Variants in TRIM27 observed in about 807,000 individuals in gnomAD.
TRIM27 encodes the protein tripartite motif containing 27.
In TRIM27, 12 loss-of-function variants were observed where a neutral mutation model predicts 57.6. The observed-to-expected ratio is 0.21, with a 90% confidence interval of 0.13 to 0.34. The LOEUF is 0.34. TRIM27 is among the 10% of genes least tolerant of loss of function. The pLI, the probability that TRIM27 is intolerant of heterozygous loss-of-function variation, is 1.00. For synonymous variants in TRIM27, 266 were observed against 259.0 expected (o/e 1.03, Z -0.26); for missense variants, 403 against 656.8 (o/e 0.61, Z 4.22).
intron 6 of TRIM27, 112 bp from the exon 7 acceptor site, chr6:28,907,374 A>G: frequency 9.7e-7 from 1 of 1,030,094 alleles, no homozygotes; most frequent in Non-Finnish European, 1.5e-6. Flanking sequence ...CAGAAACCCC[A>G]GAACCTCTGT....
chr6:28,919,311 G>A lies in TRIM27; in HGVS notation c.747+701C>T, dbSNP rs188179503. ...AGGTGTGAGCCACTGCACCTGGCCC[G>A]CCATCATCCATTTTTAATGGCTTTT... On this transcript the variant is annotated intron_variant, in intron 3 of 7. Transcript: ENST00000377199. Among the ~76,000 whole-genome samples the A allele has an allele frequency of 2.4e-4, 37 of 152,278 alleles. No homozygotes were observed. In the East Asian group the frequency reaches 6.4e-3, roughly 26 times the overall value.
chr6:28,907,277 G>T lies in TRIM27; in HGVS notation c.920-15C>A. ...CTCTCTTAATTCTGAAAGAATAAAAGAGCAAAGTTATGGAAGTCATGAGGG... is the reference window on the plus strand; with the variant it reads ...CTCTCTTAATTCTGAAAGAATAAAATAGCAAAGTTATGGAAGTCATGAGGG... On this transcript the variant is annotated splice_polypyrimidine_tract_variant and intron_variant, in intron 6 of 7. Transcript: ENST00000377199. The T allele has an allele frequency of 6.2e-7, 1 of 1,610,552 alleles. No homozygotes were observed. Among genetic ancestry groups the T allele is most frequent in the Non-Finnish European group, 8.5e-7 (1 of 1,179,240 alleles).
chr6:28,905,721 A>G (rs1218455500), intron 7 of TRIM27: 5 of 152,104 alleles, frequency 3.3e-5, no homozygotes, highest in East Asian at 1.9e-4. Flanking sequence ...TATCCATTCT[A>G]TAAGATCTTT....
chr6:28,909,224 C>T, intron 4 of TRIM27, 136 bp from the exon 5 acceptor site: 2 of 635,892 alleles, frequency 3.1e-6, no homozygotes, highest in Admixed American at 5.6e-5. Context: ...TCTCCTGCCT[C>T]AGCCTCCTGA....
In TRIM27 at chr6:28,923,823, G is replaced by A. The variant is rs1212198607; in HGVS notation, c.-191C>T. The A allele has an allele frequency of 6.5e-6, 4 of 612,712 alleles. No homozygotes were observed. Among genetic ancestry groups the A allele is most frequent in the East Asian group, 6.1e-5 (2 of 32,692 alleles). The allele number at this position is 612,712 out of a possible 1,614,324, so 38.0% of individuals were successfully genotyped here. A position where few individuals can be genotyped will look rare whatever the true frequency, so the allele number is the denominator to read the frequency against. ...TTGGAGTGGCCGGGCCGATGCCTGC[G>A]CCTGTGCCCCCTAAGCGAGAGCGGG... On this transcript the variant is annotated 5_prime_UTR_variant, in exon 1 of 8. Coordinates refer to ENST00000377199, the MANE Select transcript of TRIM27 (RefSeq NM_006510.5).
chr6:28,923,490 T>G lies in TRIM27; in HGVS notation c.143A>C (p.Glu48Ala). ...GCACTGCGGGCACGACACGTTAGTC[T>G]CTGCCGTGCCCCAGCAGCGGGCGAG... ...ACLARCWGTAETNVSCPQCRE... is the reference protein window; with the variant it reads ...ACLARCWGTAATNVSCPQCRE... Residue 48 changes from glutamate (E) to alanine (A), a missense_variant, in exon 1 of 8, where the codon GAG becomes GCG. Coordinates refer to ENST00000377199, the MANE Select transcript of TRIM27 (RefSeq NM_006510.5). The G allele has an allele frequency of 6.2e-7, 1 of 1,612,202 alleles. No homozygotes were observed. The highest frequency in any genetic ancestry group is 8.5e-7 in the Non-Finnish European group (1 of 1,179,670).
At chr6:28,923,180 C>T (rs1271938281) in intron 1 of TRIM27, 33 bp downstream of exon 1, 2 of 1,511,598 alleles carry the variant, frequency 1.3e-6, no homozygotes, top group African/African-American at 2.8e-5. Flanking sequence ...TTGTCCGACT[C>T]GCGCTCCCGC....
Position 28,905,000 on chromosome 6 carries a change from A to C in TRIM27, c.947-335T>G. 1.1e-5 allele frequency: 3 copies of C among 273,458 alleles called. No individual in the cohort carries two copies. The highest frequency in any genetic ancestry group is 1.0e-4 in the South Asian group (1 of 9,930). The allele number at this position is 273,458 out of a possible 1,614,324, so 16.9% of individuals were successfully genotyped here. A position where few individuals can be genotyped will look rare whatever the true frequency, so the allele number is the denominator to read the frequency against. On this transcript the variant is annotated intron_variant, in intron 7 of 7. Coordinates refer to ENST00000377199, the MANE Select transcript of TRIM27 (RefSeq NM_006510.5). The surrounding 1 kb of genome is among the most constrained non-coding windows in gnomAD (Gnocchi z 6.1). Reference sequence around the variant, plus strand: ...TGGTCATAGTTCATTGTAACCCCAAACTCCTGGGCTCAGGTGATTCTCCCG... The same window carrying C: ...TGGTCATAGTTCATTGTAACCCCAACCTCCTGGGCTCAGGTGATTCTCCCG...
At chr6:28,913,269 A>AAAATATATATATATATATATAT (rs1554184215) in intron 3 of TRIM27, among the ~76,000 whole-genome samples, 1 of 135,584 alleles carries the variant, frequency 7.4e-6, no homozygotes, top group Non-Finnish European at 1.5e-5. Flanking sequence ...AAAAAAAAAA[A>AAAATATATATATATATATATAT]ATATATATAT....
chr6:28,917,744 C>T (rs377501752), intron 3 of TRIM27, among the ~76,000 whole-genome samples: 1 of 152,120 alleles, frequency 6.6e-6, no homozygotes, highest in African/African-American at 2.4e-5. Flanking sequence ...ACACTAATTC[C>T]TGGCATATGT....
At chr6:28,911,588 T>C (rs1471936735) in intron 4 of TRIM27, 108 bp downstream of exon 4, 4 of 1,116,880 alleles carry the variant, frequency 3.6e-6, no homozygotes, top group Middle Eastern at 2.0e-4. Flanking sequence ...ATGTGTCAAT[T>C]TGATAAGATG....
At chr6:28,911,995 G>C (rs1773241660) in intron 3 of TRIM27, among the ~76,000 whole-genome samples, 1 of 152,054 alleles carries the variant, frequency 6.6e-6, no homozygotes, top group African/African-American at 2.4e-5. Context: ...ACTAACTTAA[G>C]CGTCCTATGA....
chr6:28,912,981 C>T (rs1480784348), intron 3 of TRIM27, among the ~76,000 whole-genome samples: 3 of 152,038 alleles, frequency 2.0e-5, no homozygotes, highest in Admixed American at 6.6e-5. Flanking sequence ...ATAGGCCAGG[C>T]GCAGTGGCTC....
At chr6:28,918,345 C>T (rs905855663) in intron 3 of TRIM27, among the ~76,000 whole-genome samples, 4 of 151,818 alleles carry the variant, frequency 2.6e-5, no homozygotes, top group African/African-American at 9.7e-5. Context: ...TCTCCATTCA[C>T]CTGACCTAGT....
In TRIM27 at chr6:28,920,253, G is replaced by A. The variant is rs1470947844; in HGVS notation, c.517-11C>T. 2.5e-6 allele frequency: 4 copies of A among 1,575,176 alleles called. No homozygotes were observed. Among genetic ancestry groups the A allele is most frequent in the African/African-American group, 1.4e-5 (1 of 73,828 alleles). ...CATCTGGGTTAGGCTCTATGCAGAC[G>A]ACAGGGAAAGGCAGTAAAGAGAAAA... On this transcript the variant is annotated splice_polypyrimidine_tract_variant and intron_variant, in intron 2 of 7. Transcript: ENST00000377199.
At chr6:28,913,269 A>AAAATATATATATATATATAT (rs1554184215) in intron 3 of TRIM27, among the ~76,000 whole-genome samples, 19 of 135,572 alleles carry the variant, frequency 1.4e-4, no homozygotes, top group Non-Finnish European at 2.6e-4. Flanking sequence ...AAAAAAAAAA[A>AAAATATATATATATATATAT]ATATATATAT....
rs1185086795 is a variant in TRIM27 at position 28,923,629 on chromosome 6, C to T, written c.4G>A (p.Ala2Thr). 1.3e-6 allele frequency: 2 copies of T among 1,575,712 alleles called. No homozygotes were observed. The highest frequency in any genetic ancestry group is 1.1e-5 in the South Asian group (1 of 87,712). The stretch of plus-strand genomic sequence containing the variant: ...AGGCACTCGGCCACACTCCCGGAGG[C>T]CATGGCGCCGGCCTGCGGGGGCGCA... M[A>T]SGSVAECLQQ... The change falls in exon 1 of 8, where the codon GCC (alanine) becomes ACC (threonine). Residue 2 changes from alanine to threonine, a missense_variant. By Grantham distance (58) the Ala-to-Thr change is moderately conservative. Coordinates refer to ENST00000377199, the MANE Select transcript of TRIM27 (RefSeq NM_006510.5).
intron 3 of TRIM27, chr6:28,915,893 T>C (rs567397051): frequency 2.0e-4 from 30 of 152,260 alleles, no homozygotes; most frequent in African/African-American, 7.0e-4. Flanking sequence ...GAAACATATA[T>C]ATATGTACTG....
At chr6:28,923,172 G>C (rs1774182997) in intron 1 of TRIM27, 41 bp downstream of exon 1, 2 of 1,504,710 alleles carry the variant, frequency 1.3e-6, no homozygotes, top group South Asian at 1.3e-5. Flanking sequence ...TCCTCCCTTT[G>C]TCCGACTCGC....
Sources: gnomAD v4.1 joint callset for allele counts (sites outside exome capture counted in the v4.1 genomes callset) on GRCh38, gnomAD v4.1.1 for gene constraint, Gnocchi (gnomAD v3.1) non-coding constraint, MANE v1.5 for transcripts, NCBI Gene and HGNC (gene_info 2026-07-23, HGNC 2026-07-21) for gene names.